TRAPPC12: variants seen among roughly 807,000 people sequenced by gnomAD.
TRAPPC12 encodes trafficking protein particle complex subunit 12, also known as TPR repeat protein 15.
Under a neutral mutation model 69.2 loss-of-function variants are expected in TRAPPC12, and 61 were observed. The observed-to-expected ratio is 0.88, with a 90% confidence interval of 0.72 to 1.09. TRAPPC12 has a LOEUF of 1.09. Ranked by LOEUF, TRAPPC12 falls within the 50% of genes least tolerant of loss-of-function variation. The pLI is 0.00. For missense variants in TRAPPC12, 1,101 were observed against 1,016.4 expected (o/e 1.08, Z -1.13); for synonymous variants, 469 against 438.9 (o/e 1.07, Z -0.86).
intron 9 of TRAPPC12, among the ~76,000 whole-genome samples, 199 bp from the exon 10 acceptor site, chr2:3,477,496 A>C (rs1349261600): frequency 6.6e-6 from 1 of 152,258 alleles, no homozygotes; most frequent in Non-Finnish European, 1.5e-5. Context: ...AGTTTCTGAC[A>C]TATAGAACAT....
At chr2:3,384,124 G>A (rs1660383118) in intron 1 of TRAPPC12, among the ~76,000 whole-genome samples, 1 of 151,854 alleles carries the variant, frequency 6.6e-6, no homozygotes, top group Admixed American at 6.6e-5. Flanking sequence ...TTGAACTTCT[G>A]ACCTCAGGTG....
chr2:3,384,933 A>G (rs1660425732), intron 1 of TRAPPC12, among the ~76,000 whole-genome samples: 1 of 152,212 alleles, frequency 6.6e-6, no homozygotes, highest in Admixed American at 6.5e-5. Context: ...TTATGGTTAT[A>G]GAACTATCTC....
rs554088443 is a variant in TRAPPC12, at chr2:3,393,510, T to TAC, written c.1047+4852_1047+4853dup. On this transcript the variant is annotated intron_variant, in intron 2 of 11. Transcript: ENST00000324266. ...AGTGTCCTCACCACCCTCACACATA[T>TAC]ACACACACACACAGTAACTATGGGT... Among the ~76,000 whole-genome samples, 1,020 of 151,742 alleles carry TAC rather than the reference T, an allele frequency of 6.7e-3. 12 individuals are homozygous for TAC. The highest frequency in any genetic ancestry group is 0.023 in the African/African-American group (939 of 41,388).
intron 6 of TRAPPC12, chr2:3,449,141 T>G (rs1441648970): frequency 6.6e-6 from 1 of 152,144 alleles, no homozygotes; most frequent in Non-Finnish European, 1.5e-5. Context: ...TGCTGAAAAA[T>G]CAGTGCCGCC....
intron 7 of TRAPPC12, chr2:3,457,996 G>A: frequency 8.2e-7 from 1 of 1,217,270 alleles, no homozygotes; most frequent in South Asian, 2.5e-5. Context: ...CGAGGAAGGA[G>A]CCCAGCCCAG....
chr2:3,443,388 A>G (rs928209106), intron 5 of TRAPPC12, among the ~76,000 whole-genome samples: 1 of 152,232 alleles, frequency 6.6e-6, no homozygotes, highest in African/African-American at 2.4e-5. Flanking sequence ...GGGGAACCCA[A>G]GCTAAGCAAC....
chr2:3,400,746 C>T (rs1661395355), intron 2 of TRAPPC12, among the ~76,000 whole-genome samples: 2 of 152,178 alleles, frequency 1.3e-5, no homozygotes, highest in Non-Finnish European at 2.9e-5. Flanking sequence ...GTTGGGATGA[C>T]TAGTTTGTCC....
rs1332747551 is a variant in TRAPPC12 at position 3,401,785 on chromosome 2, A to G, written c.1056A>G (p.Ala352=). 4 of 1,576,708 alleles carry G rather than the reference A, an allele frequency of 2.5e-6. No individual in the cohort carries two copies. The highest frequency in any genetic ancestry group is 2.7e-5 in the African/African-American group (2 of 73,238). Residue 352 remains alanine, a synonymous_variant, in exon 3 of 12, where the codon GCA becomes GCG. Coordinates refer to ENST00000324266, the MANE Select transcript of TRAPPC12 (RefSeq NM_016030.6). ...TCTTCTATTCTTCCCAGGGAGATGC[A>G]GTTAAAGACTTGATGCTTCGCTTTC... is the stretch of plus-strand genomic sequence containing the variant. ...GLRFDNIQGD[A]VKDLMLRFLG...
At position 3,387,983 on chromosome 2, in the gene TRAPPC12, C is replaced by G; in HGVS notation, c.360C>G (p.Pro120=). The G allele has an allele frequency of 1.4e-6, 2 of 1,473,664 alleles. No individual in the cohort carries two copies. The highest frequency in any genetic ancestry group is 2.7e-5 in the East Asian group (1 of 36,846). 91.3% of individuals were successfully genotyped at this position (1,473,664 alleles called of 1,614,324 possible). A position where few individuals can be genotyped will look rare whatever the true frequency, so the allele number is the denominator to read the frequency against. ...GCGAGGCCGACGGCGACTGTGCCCC[C>G]GAGGACGCGGCACCCAGTAGCGGAG... ...PSGEADGDCA[P]EDAAPSSGGA... is the part of the protein sequence containing the mutation. Residue 120 remains proline (P), a synonymous_variant, in exon 2 of 12, where the codon CCC becomes CCG. Coordinates refer to ENST00000324266, the MANE Select transcript of TRAPPC12 (RefSeq NM_016030.6).
chr2:3,467,338 CT>C (rs1451991742), intron 9 of TRAPPC12: 1 of 152,246 alleles, frequency 6.6e-6, no homozygotes, highest in African/African-American at 2.4e-5. Context: ...GTGCCTCGAT[CT>C]GCATCTCTTG....
At chr2:3,475,060 T>G (rs1038371356) in intron 9 of TRAPPC12, among the ~76,000 whole-genome samples, 1 of 152,230 alleles carries the variant, frequency 6.6e-6, no homozygotes, top group Non-Finnish European at 1.5e-5. Flanking sequence ...CATTTCTGTT[T>G]ATGCTTCCTT....
intron 3 of TRAPPC12, among the ~76,000 whole-genome samples, chr2:3,409,741 C>CTTTTT (rs1558358525): frequency 3.9e-5 from 2 of 51,810 alleles, no homozygotes; most frequent in Non-Finnish European, 7.3e-5. Context: ...CAAAGCAAGA[C>CTTTTT]TTTGTCTTTA....
chr2:3,435,197 G>A (rs1402155532), intron 5 of TRAPPC12, among the ~76,000 whole-genome samples: 1 of 151,840 alleles, frequency 6.6e-6, no homozygotes, highest in Non-Finnish European at 1.5e-5. Flanking sequence ...ATTTTTAGTA[G>A]AGACGGGGTT....
intron 5 of TRAPPC12, among the ~76,000 whole-genome samples, chr2:3,428,068 G>A (rs903160034): frequency 6.6e-6 from 1 of 152,182 alleles, no homozygotes; most frequent in African/African-American, 2.4e-5. Flanking sequence ...TGCCCTTTAA[G>A]ATAGCGAATG....
chr2:3,420,904 G>T (rs1018146658), intron 3 of TRAPPC12, among the ~76,000 whole-genome samples: 4 of 152,174 alleles, frequency 2.6e-5, no homozygotes, highest in African/African-American at 9.7e-5. Flanking sequence ...TCAGAGAAGC[G>T]CTTGGCATGC....
chr2:3,387,151 G>C (rs1049957864), intron 1 of TRAPPC12, among the ~76,000 whole-genome samples: 1 of 152,164 alleles, frequency 6.6e-6, no homozygotes, highest in Non-Finnish European at 1.5e-5. Flanking sequence ...CAGATAGCTG[G>C]ATAAACAAAA....
chr2:3,432,913 C>T (rs1000541202), intron 5 of TRAPPC12, among the ~76,000 whole-genome samples: 6 of 152,190 alleles, frequency 3.9e-5, no homozygotes, highest in Non-Finnish European at 7.3e-5. Flanking sequence ...GTGGCAGACG[C>T]GTACAGAGGC....
intron 6 of TRAPPC12, 149 bp downstream of exon 6, chr2:3,444,040 TG>T (rs1321670345): frequency 5.6e-5 from 35 of 623,280 alleles, no homozygotes; most frequent in Non-Finnish European, 1.0e-4. Flanking sequence ...CCGGTTTGTG[TG>T]GCCTGGTAGT....
At chr2:3,383,290 G>C (rs1335998993) in intron 1 of TRAPPC12, among the ~76,000 whole-genome samples, 4 of 152,010 alleles carry the variant, frequency 2.6e-5, no homozygotes, top group Non-Finnish European at 5.9e-5. Context: ...TTTATGGTTT[G>C]TACTGATTAT....
Sources: allele counts gnomAD v4.1 joint callset (sites outside exome capture counted in the v4.1 genomes callset), GRCh38; gene constraint gnomAD v4.1.1; transcripts MANE v1.5; gene names NCBI Gene and HGNC (gene_info 2026-07-23, HGNC 2026-07-21).